RASSF6: variants seen among roughly 807,000 people sequenced by gnomAD.
The protein encoded by RASSF6 is Ras association domain family member 6.
Under a neutral mutation model 44.0 loss-of-function variants are expected in RASSF6, and 52 were observed. The observed-to-expected ratio is 1.18, with a 90% confidence interval of 0.95 to 1.49. RASSF6 has a LOEUF of 1.49. RASSF6 is among the 40% of genes most tolerant of loss of function. The pLI is 0.00. For missense variants in RASSF6, 464 were observed against 393.3 expected (o/e 1.18, Z -1.52); for synonymous variants, 162 against 124.6 (o/e 1.30, Z -2.00).
chr4:73,591,183 G>A (rs1415819751), intron 4 of RASSF6, among the ~76,000 whole-genome samples: 2 of 152,082 alleles, frequency 1.3e-5, no homozygotes, highest in African/African-American at 4.8e-5. Context: ...TGAGATGATT[G>A]ATATGTTAAT....
intron 3 of RASSF6, among the ~76,000 whole-genome samples, chr4:73,595,749 T>G (rs914933729): frequency 2.0e-5 from 3 of 152,164 alleles, no homozygotes; most frequent in Non-Finnish European, 4.4e-5. Context: ...TTGAAATAAT[T>G]TAAAATTAGG....
intron 6 of RASSF6, among the ~76,000 whole-genome samples, chr4:73,583,755 C>T (rs1723855551): frequency 7.4e-6 from 1 of 135,506 alleles, no homozygotes; most frequent in African/African-American, 2.7e-5. Flanking sequence ...CTAATGTAGA[C>T]CGAGTTCTTT....
rs75018260 is a variant in RASSF6 at position 73,619,773 on chromosome 4, G to A, written c.-35+515C>T. Among the ~76,000 whole-genome samples the A allele has an allele frequency of 5.2e-3, 787 of 151,480 alleles. 10 individuals are homozygous for A. Among genetic ancestry groups the A allele is most frequent in the African/African-American group, 0.018 (750 of 41,402 alleles). On this transcript the variant is annotated intron_variant, in intron 1 of 10. Coordinates refer to ENST00000307439, the MANE Select transcript of RASSF6 (RefSeq NM_177532.5). Reference sequence around the variant, plus strand: ...TTTATTATTTCATTGTTTGGTGAGCGCTTATATTGAAAATTCATTTTTTTT... The same window carrying A: ...TTTATTATTTCATTGTTTGGTGAGCACTTATATTGAAAATTCATTTTTTTT...
intron 8 of RASSF6, 49 bp from the exon 9 acceptor site, chr4:73,576,780 A>T: frequency 9.0e-7 from 1 of 1,108,840 alleles, no homozygotes; most frequent in East Asian, 2.5e-5. Context: ...ATGCTGCAGG[A>T]AAAGAAGGAA....
intron 4 of RASSF6, among the ~76,000 whole-genome samples, chr4:73,592,191 T>C (rs1476739120): frequency 1.3e-5 from 2 of 152,220 alleles, no homozygotes; most frequent in African/African-American, 4.8e-5. Flanking sequence ...AGTAGCATAA[T>C]TTTTGAGAAA....
chr4:73,581,719 T>G, intron 8 of RASSF6, 98 bp downstream of exon 8: 1 of 722,970 alleles, frequency 1.4e-6, no homozygotes, highest in Non-Finnish European at 2.4e-6. Context: ...TCCTCCCCTT[T>G]CTCCACAGAA....
chr4:73,615,603 G>T (rs1726304055), intron 1 of RASSF6, among the ~76,000 whole-genome samples: 1 of 152,208 alleles, frequency 6.6e-6, no homozygotes. Context: ...TAGATTGTGT[G>T]TAAAATAAGA....
rs866919754 is a variant in RASSF6 at position 73,585,306 on chromosome 4, G to T, written c.441C>A (p.Ser147=). Reference sequence around the variant, plus strand: ...CACTCATGGTTCTATAGAGCACTGGGGAGTCTGGTTCATCCTTTGCATGTG... The same window carrying T: ...CACTCATGGTTCTATAGAGCACTGGTGAGTCTGGTTCATCCTTTGCATGTG... ...LKPHAKDEPD[S]PVLYRTMSEA... Residue 147 remains serine, a synonymous_variant, in exon 6 of 11, where the codon TCC becomes TCA. Coordinates refer to ENST00000307439, the MANE Select transcript of RASSF6 (RefSeq NM_177532.5). 12 of 1,611,454 alleles carry T rather than the reference G, an allele frequency of 7.4e-6. No individual in the cohort carries two copies. The highest frequency in any genetic ancestry group is 9.3e-6 in the Non-Finnish European group (11 of 1,178,572).
intron 7 of RASSF6, 50 bp downstream of exon 7, chr4:73,582,139 G>A: frequency 1.1e-6 from 1 of 880,074 alleles, no homozygotes; most frequent in Non-Finnish European, 1.8e-6. Flanking sequence ...TGTGTTTATA[G>A]TTGAATTATA....
intron 7 of RASSF6, 61 bp downstream of exon 7, chr4:73,582,128 G>A: frequency 2.5e-6 from 2 of 809,628 alleles, no homozygotes; most frequent in Non-Finnish European, 3.9e-6. Flanking sequence ...GAGTGGATTT[G>A]TGTGTTTATA....
At chr4:73,620,550 G>A, upstream of RASSF6, 6 of 1,310,692 alleles carry the variant, frequency 4.6e-6, no homozygotes, top group Non-Finnish European at 6.2e-6. Context: ...CGATCCTGGA[G>A]CCCCAGGAGC....
rs559001347 is a variant in RASSF6, at chr4:73,612,953, A to T, written c.-34-1124T>A. On this transcript the variant is annotated intron_variant, in intron 1 of 10. Transcript: ENST00000307439. ...TTGTAATCTAATGAAATTTCATGTCATTGAGTCTTTTCTCACCCATTTCCC... is the reference window on the plus strand; with the variant it reads ...TTGTAATCTAATGAAATTTCATGTCTTTGAGTCTTTTCTCACCCATTTCCC... Among the ~76,000 whole-genome samples the T allele has an allele frequency of 4.6e-5, 7 of 152,150 alleles. No individual in the cohort carries two copies. In the South Asian group the frequency reaches 1.4e-3, roughly 32 times the overall value.
At chr4:73,599,929 T>A (rs1725173229) in intron 2 of RASSF6, among the ~76,000 whole-genome samples, 1 of 152,042 alleles carries the variant, frequency 6.6e-6, no homozygotes, top group Non-Finnish European at 1.5e-5. Flanking sequence ...CTCCCTGGTG[T>A]TCCTTGGCCA....
At chr4:73,601,845 A>G (rs1243256132) in intron 2 of RASSF6, among the ~76,000 whole-genome samples, 1 of 152,252 alleles carries the variant, frequency 6.6e-6, no homozygotes, top group Admixed American at 6.5e-5. Flanking sequence ...ATTACTGTTA[A>G]GTTGATCATC....
chr4:73,591,974 A>C (rs1177471849), intron 4 of RASSF6, among the ~76,000 whole-genome samples: 1 of 151,972 alleles, frequency 6.6e-6, no homozygotes, highest in African/African-American at 2.4e-5. Context: ...GTGTCAAGTG[A>C]TATAGAAAAG....
chr4:73,605,720 T>G (rs1404136558), intron 2 of RASSF6, among the ~76,000 whole-genome samples: 1 of 152,236 alleles, frequency 6.6e-6, no homozygotes, highest in East Asian at 1.9e-4. Context: ...GAATTCTGTC[T>G]CACTCTTCCA....
intron 3 of RASSF6, among the ~76,000 whole-genome samples, chr4:73,598,226 AT>A (rs766642795): frequency 6.6e-6 from 1 of 152,198 alleles, no homozygotes; most frequent in African/African-American, 2.4e-5. Flanking sequence ...TAATGCATTC[AT>A]TTTAAAACCC....
In RASSF6 at chr4:73,576,252, T is replaced by C. The variant is rs141822977; in HGVS notation, c.997A>G (p.Thr333Ala). 1.5e-3 allele frequency: 2,344 copies of C among 1,553,960 alleles called. 4 individuals carry two copies. Among genetic ancestry groups the C allele is most frequent in the Non-Finnish European group, 1.9e-3 (2,196 of 1,130,898 alleles). Residue 333 changes from threonine (T) to alanine (A), a missense_variant, in exon 11 of 11, where the codon ACA (threonine) becomes GCA (alanine). Thr to Ala is a moderately conservative substitution (Grantham distance 58, BLOSUM62 0). Coordinates refer to ENST00000307439, the MANE Select transcript of RASSF6 (RefSeq NM_177532.5). Reference protein sequence around the residue: ...KCLQNKLVIKTETTV With the variant: ...KCLQNKLVIKAETTV Reference sequence around the variant, plus strand: ...TTGTACTGCTAAACTGTTGTCTCTGTTTTTATTACTAGTTTATTTTGAAGA... The same window carrying C: ...TTGTACTGCTAAACTGTTGTCTCTGCTTTTATTACTAGTTTATTTTGAAGA...
At chr4:73,580,756 G>A (rs1257192440) in intron 8 of RASSF6, among the ~76,000 whole-genome samples, 2 of 114,438 alleles carry the variant, frequency 1.7e-5, no homozygotes, top group African/African-American at 2.9e-5. Flanking sequence ...TGAGTTCATT[G>A]TAGATTCTGG....
Sources: allele counts gnomAD v4.1 joint callset (sites outside exome capture counted in the v4.1 genomes callset), GRCh38; gene constraint gnomAD v4.1.1; transcripts MANE v1.5; gene names NCBI Gene and HGNC (gene_info 2026-07-23, HGNC 2026-07-21).